Variants in CARNMT1 observed in about 807,000 individuals in gnomAD.
The protein encoded by CARNMT1 is carnosine N-methyltransferase 1, also known as protein-L-histidine N-pros-methyltransferase CARNMT1.
CARNMT1 carries 28 observed loss-of-function variants against 49.6 expected under a neutral mutation model. The ratio of observed to expected loss-of-function variants is 0.56; its 90% CI spans 0.42 to 0.77. CARNMT1 has a LOEUF of 0.77. Ranked by LOEUF, CARNMT1 falls within the 30% of genes least tolerant of loss-of-function variation. CARNMT1 has a pLI of 0.00. For missense variants in CARNMT1, 421 were observed against 512.6 expected, an observed-to-expected ratio of 0.82 and a Z score of 1.73; for synonymous variants, 178 against 175.0, an observed-to-expected ratio of 1.02 and a Z score of -0.13.
At chr9:74,992,652 G>T (rs1833061691) in intron 6 of CARNMT1, among the ~76,000 whole-genome samples, 1 of 152,156 alleles carries the variant, frequency 6.6e-6, no homozygotes, top group Non-Finnish European at 1.5e-5. Flanking sequence ...TCCCTTAAAA[G>T]GCTTACTAGC....
chr9:75,020,457 G>A (rs1019122645), intron 1 of CARNMT1, among the ~76,000 whole-genome samples: 4 of 151,558 alleles, frequency 2.6e-5, no homozygotes, highest in Admixed American at 6.6e-5. Flanking sequence ...TAGTAGAGAC[G>A]GGGTTTCACC....
intron 6 of CARNMT1, among the ~76,000 whole-genome samples, chr9:74,992,889 A>G (rs1439348336): frequency 6.6e-6 from 1 of 152,190 alleles, no homozygotes; most frequent in Non-Finnish European, 1.5e-5. Context: ...GGGTAAAATC[A>G]TCCCCAAGAG....
intron 1 of CARNMT1, among the ~76,000 whole-genome samples, chr9:75,020,417 G>A (rs1587307583): frequency 6.6e-6 from 1 of 151,684 alleles, no homozygotes; most frequent in East Asian, 1.9e-4. Flanking sequence ...ACAGGTGCGC[G>A]CCACCATGCC....
intron 6 of CARNMT1, 25 bp downstream of exon 6, chr9:74,996,422 T>C (rs1280986323): frequency 7.9e-7 from 1 of 1,271,702 alleles, no homozygotes; most frequent in Non-Finnish European, 1.1e-6. Flanking sequence ...ATATACAAAA[T>C]TTTAGTAAAT....
intron 1 of CARNMT1, among the ~76,000 whole-genome samples, chr9:75,025,422 C>T (rs1822495436): frequency 6.6e-6 from 1 of 152,156 alleles, no homozygotes; most frequent in African/African-American, 2.4e-5. Flanking sequence ...TTTTATGCAA[C>T]TAAGATTTAA....
intron 7 of CARNMT1, 67 bp from the exon 8 acceptor site, chr9:74,983,935 G>C: frequency 9.4e-7 from 1 of 1,066,454 alleles, no homozygotes; most frequent in Non-Finnish European, 1.3e-6. Context: ...CAAATTCTGA[G>C]CACATATGTA....
chr9:74,998,308 AT>A (rs1456762391), intron 5 of CARNMT1, among the ~76,000 whole-genome samples: 1 of 152,054 alleles, frequency 6.6e-6, no homozygotes, highest in Non-Finnish European at 1.5e-5. Context: ...TCTTACACTA[AT>A]AACCTTTCAT....
At chr9:74,995,483 G>C (rs1833160708) in intron 6 of CARNMT1, among the ~76,000 whole-genome samples, 1 of 152,018 alleles carries the variant, frequency 6.6e-6, no homozygotes, top group African/African-American at 2.4e-5. Context: ...TTACAGTTTG[G>C]GATATTTATT....
Position 74,980,951 on chromosome 9 carries a change from T to C in CARNMT1, c.*2816A>G, listed in dbSNP as rs1199580723. On this transcript the variant is annotated 3_prime_UTR_variant, in exon 8 of 8. Coordinates refer to ENST00000376834, the MANE Select transcript of CARNMT1 (RefSeq NM_152420.3). ...GCTAATCCAAGAGTTCAAAAGTATA[T>C]ATGCTCAACTCATTAAAATCCCCAC... 1 of 152,176 alleles carries C rather than the reference T, an allele frequency of 6.6e-6. No homozygotes were observed. The highest frequency in any genetic ancestry group is 1.5e-5 in the Non-Finnish European group (1 of 68,012). The allele number at this position is 152,176 out of a possible 1,614,324, so 9.4% of individuals were successfully genotyped here. A position where few individuals can be genotyped will look rare whatever the true frequency, so the allele number is the denominator to read the frequency against.
At chr9:75,012,849 C>T (rs1279867698) in intron 3 of CARNMT1, among the ~76,000 whole-genome samples, 4 of 150,000 alleles carry the variant, frequency 2.7e-5, no homozygotes, top group Non-Finnish European at 5.9e-5. Flanking sequence ...ACCCGGGAGG[C>T]GGAGGTTGCA....
At chr9:74,984,615 C>T (rs948443043) in intron 7 of CARNMT1, among the ~76,000 whole-genome samples, 3 of 152,136 alleles carry the variant, frequency 2.0e-5, no homozygotes, top group Admixed American at 6.5e-5. Flanking sequence ...AAATTACCTT[C>T]GGGCTATGCT....
intron 6 of CARNMT1, among the ~76,000 whole-genome samples, chr9:74,993,113 G>GT (rs143332771): frequency 0.32 from 47,987 of 152,068 alleles, 8,360 homozygotes; most frequent in Non-Finnish European, 0.39. Context: ...TTTGTACCAG[G>GT]TGACTAGGAA....
intron 5 of CARNMT1, 116 bp downstream of exon 5, chr9:74,998,482 A>C: frequency 1.3e-6 from 1 of 773,636 alleles, no homozygotes; most frequent in Non-Finnish European, 1.9e-6. Flanking sequence ...TGACACTGAC[A>C]TATGCCTTAT....
chr9:75,008,187 A>C (rs1000879439), intron 3 of CARNMT1, among the ~76,000 whole-genome samples: 1 of 151,260 alleles, frequency 6.6e-6, no homozygotes, highest in Non-Finnish European at 1.5e-5. Context: ...AAAAAAAAAA[A>C]AAAAAAAAAC....
At chr9:74,998,830 T>A in intron 4 of CARNMT1, 54 bp from the exon 5 acceptor site, 1 of 1,141,362 alleles carries the variant, frequency 8.8e-7, no homozygotes, top group Non-Finnish European at 1.2e-6. Flanking sequence ...ACCAAGAAAA[T>A]CCACTTTAAA....
chr9:74,993,663 C>T (rs1833100471), intron 6 of CARNMT1, among the ~76,000 whole-genome samples: 1 of 152,238 alleles, frequency 6.6e-6, no homozygotes, highest in African/African-American at 2.4e-5. Context: ...CGGAGGGCAA[C>T]ATTTTTCAAT....
In CARNMT1 at chr9:74,983,770, T is replaced by C; in HGVS notation, c.1227A>G (p.Gln409=). The C allele has an allele frequency of 1.3e-6, 2 of 1,590,734 alleles. No homozygotes were observed. The highest frequency in any genetic ancestry group is 2.3e-5 in the South Asian group (2 of 88,596). ...CAGGTGGTATCACTTGAGACCATTA[T>C]TGTGGCTTACGGACCACAAACAAGA... ...ECVLFVVRKP[Q] is the part of the protein sequence containing the mutation. Residue 409 remains glutamine (Q), a synonymous_variant, in exon 8 of 8, where the codon CAA becomes CAG. Coordinates refer to ENST00000376834, the MANE Select transcript of CARNMT1 (RefSeq NM_152420.3).
intron 1 of CARNMT1, among the ~76,000 whole-genome samples, chr9:75,024,810 AC>A (rs1352412289): frequency 4.0e-5 from 6 of 151,776 alleles, no homozygotes; most frequent in African/African-American, 9.7e-5. Context: ...TGGGGCACCA[AC>A]CCCCTGTGCA....
Position 74,984,948 on chromosome 9 carries a change from C to A in CARNMT1, c.1087G>T (p.Asp363Tyr), listed in dbSNP as rs751112334. The change falls in exon 7 of 8, where the codon GAT (aspartate) becomes TAT (tyrosine). Residue 363 changes from aspartate to tyrosine, a missense_variant. By Grantham distance (160) the Asp-to-Tyr change is radical (BLOSUM62 -3). Around this residue, in one of 2 missense-constraint regions of CARNMT1, gnomAD observed 235 missense variants for 344.8 expected, o/e 0.68. Coordinates refer to ENST00000376834, the MANE Select transcript of CARNMT1 (RefSeq NM_152420.3). ...TACTGCAGAACAACGTTTTTTATAT[C>A]CTCATAGCTCAATTCTATGGAAAGT... ...NELSIELSYE[D>Y]IKNVVLQYGF... The A allele has an allele frequency of 6.2e-7, 1 of 1,613,866 alleles. No individual in the cohort carries two copies.
Sources: allele counts gnomAD v4.1 joint callset (sites outside exome capture counted in the v4.1 genomes callset), GRCh38; gene constraint gnomAD v4.1.1; regional missense constraint gnomAD v4.1.1; transcripts MANE v1.5; gene names NCBI Gene and HGNC (gene_info 2026-07-23, HGNC 2026-07-21).